Variants in AP1G2 observed in about 807,000 individuals in gnomAD.
AP1G2 encodes the protein AP-1 complex subunit gamma-like 2.
Under a neutral mutation model 95.8 loss-of-function variants are expected in AP1G2, and 85 were observed. The ratio of observed to expected loss-of-function variants is 0.89; its 90% CI spans 0.74 to 1.06. The LOEUF (loss-of-function observed/expected upper bound fraction) is 1.06. Ranked by LOEUF, AP1G2 falls within the 50% of genes least tolerant of loss-of-function variation. The pLI is 0.00. For missense variants in AP1G2, 967 were observed against 1,005.8 expected (o/e 0.96, Z 0.52); for synonymous variants, 378 against 400.0 (o/e 0.94, Z 0.66).
intron 9 of AP1G2, 24 bp from the exon 10 acceptor site, chr14:23,564,412 C>G: frequency 6.2e-7 from 1 of 1,614,062 alleles, no homozygotes; most frequent in Non-Finnish European, 8.5e-7. Context: ...AAGTTGGGGT[C>G]AGTCGGAAAG....
At chr14:23,565,075 G>T in intron 8 of AP1G2, 44 bp downstream of exon 8, 2 of 1,595,028 alleles carry the variant, frequency 1.3e-6, no homozygotes, top group Non-Finnish European at 1.7e-6. Flanking sequence ...GGGCTGATGG[G>T]GTCTCCAAGC....
chr14:23,567,210 G>A lies in AP1G2; in HGVS notation c.105C>T (p.Ile35=). 1.9e-6 allele frequency: 3 copies of A among 1,612,994 alleles called. No homozygotes were observed. The highest frequency in any genetic ancestry group is 1.7e-4 in the Middle Eastern group (1 of 6,050). ...REVIQKECAH[I]RASFRDGDPV... ...GGTCCCCGTCGCGGAAGGAGGCCCG[G>A]ATGTGGGCACACTCCTTTTGGATCA... The change falls in exon 2 of 22, where the codon ATC becomes ATT. Residue 35 remains isoleucine, a synonymous_variant. Transcript: ENST00000397120. This position sits in a 1 kb window ranked among gnomAD's most constrained non-coding sequence, Gnocchi z 5.3.
At chr14:23,566,786 G>T in intron 2 of AP1G2, 100 bp from the exon 3 acceptor site, 1 of 1,488,484 alleles carries the variant, frequency 6.7e-7, no homozygotes, top group Non-Finnish European at 9.2e-7. Flanking sequence ...AACCTGTGGG[G>T]CATCATATCT....
Position 23,567,487 on chromosome 14 carries a change from C to A in AP1G2, c.-5-168G>T, listed in dbSNP as rs765714594. 51 of 1,389,206 alleles carry A rather than the reference C, an allele frequency of 3.7e-5. No homozygotes were observed. The highest frequency in any genetic ancestry group is 4.5e-5 in the Non-Finnish European group (49 of 1,079,760). 86.1% of individuals were successfully genotyped at this position (1,389,206 alleles called of 1,614,324 possible). ...TGGGTCTCCAAATTCCGCGCCCACCCCACCGCCCGAGAAGCCCACTACGCA... is the reference window on the plus strand; with the variant it reads ...TGGGTCTCCAAATTCCGCGCCCACCACACCGCCCGAGAAGCCCACTACGCA... On this transcript the variant is annotated intron_variant, in intron 1 of 21. Transcript: ENST00000397120. The surrounding 1 kb of genome is among the most constrained non-coding windows in gnomAD (Gnocchi z 5.3).
rs759066631 is a variant in AP1G2, at chr14:23,567,186, G to A, written c.129C>T (p.Asp43=). 2.5e-6 allele frequency: 4 copies of A among 1,613,002 alleles called. No homozygotes were observed. Among genetic ancestry groups the A allele is most frequent in the Non-Finnish European group, 3.4e-6 (4 of 1,179,412 alleles). ...AHIRASFRDG[D]PVHRHRQLAK... ...CCAGCTGCCGGTGCCTGTGCACTGG[G>A]TCCCCGTCGCGGAAGGAGGCCCGGA... The change falls in exon 2 of 22, where the codon GAC becomes GAT. Residue 43 remains aspartate, a synonymous_variant. Coordinates refer to ENST00000397120, the MANE Select transcript of AP1G2 (RefSeq NM_003917.5). This position sits in a 1 kb window ranked among gnomAD's most constrained non-coding sequence, Gnocchi z 5.3.
rs762258774 is a variant in AP1G2, at chr14:23,567,300, C to T, written c.15G>A (p.Ser5=). ...CTTCGATGAGGTCCTGAAGCTTCAGCGAAGGCACCACCATCCTGACTGGCA... is the reference window on the plus strand; with the variant it reads ...CTTCGATGAGGTCCTGAAGCTTCAGTGAAGGCACCACCATCCTGACTGGCA... MVVP[S]LKLQDLIEEI... is the part of the protein sequence containing the mutation. The change falls in exon 2 of 22, where the codon TCG becomes TCA. Residue 5 remains serine (S), a synonymous_variant. Coordinates refer to ENST00000397120, the MANE Select transcript of AP1G2 (RefSeq NM_003917.5). The surrounding 1 kb of genome is among the most constrained non-coding windows in gnomAD (Gnocchi z 5.3). 33 of 1,612,584 alleles carry T rather than the reference C, an allele frequency of 2.0e-5. No individual in the cohort carries two copies. The highest frequency in any genetic ancestry group is 2.8e-5 in the Non-Finnish European group (33 of 1,179,578).
intron 17 of AP1G2, 61 bp downstream of exon 17, chr14:23,561,901 A>G: frequency 6.5e-7 from 1 of 1,543,124 alleles, no homozygotes; most frequent in Admixed American, 2.0e-5. Flanking sequence ...GTACCTAGAA[A>G]AGGGCATTTG....
Position 23,565,790 on chromosome 14 carries a change from C to G in AP1G2, c.645+26G>C, listed in dbSNP as rs779180437. ...CCCCACTGACCCTGTCTTCCAGGCCCAGGGCCTGCCCCTTCACCAGCCCAC... is the reference window on the plus strand; with the variant it reads ...CCCCACTGACCCTGTCTTCCAGGCCGAGGGCCTGCCCCTTCACCAGCCCAC... On this transcript the variant is annotated intron_variant, in intron 6 of 21. Coordinates refer to ENST00000397120, the MANE Select transcript of AP1G2 (RefSeq NM_003917.5). The G allele has an allele frequency of 1.4e-5, 22 of 1,597,960 alleles. No homozygotes were observed. The East Asian group carries it at 4.5e-4, about 32-fold the overall frequency.
chr14:23,561,377 G>A lies in AP1G2; in HGVS notation c.1912C>T (p.Gln638Ter). The A allele has an allele frequency of 6.2e-7, 1 of 1,601,534 alleles. No homozygotes were observed. The highest frequency in any genetic ancestry group is 8.5e-7 in the Non-Finnish European group (1 of 1,172,598). Residue 638 changes from glutamine to a stop codon, truncating the protein, a stop_gained, in exon 19 of 22, where the codon CAG becomes TAG. Transcript: ENST00000397120. LOFTEE classifies it high-confidence loss of function. The stretch of plus-strand genomic sequence containing the variant: ...GAGGGGTCCAGATGGGGAGGATGCT[G>A]GACATCCCCAGAAGCCCCATCCAGG... ...DLLDGASGDV[Q>*]HPPHLDPSPG...
chr14:23,562,823 CTGGCAATATCCCTTTAGGCAGT>C (rs1360093248), intron 14 of AP1G2: 1 of 584,882 alleles, frequency 1.7e-6, no homozygotes, highest in Non-Finnish European at 3.0e-6. Flanking sequence ...ACTTCCAGAC[CTGGCAATATCCCTTTAGGCAGT>C]GCAGAGATGG....
At position 23,564,048 on chromosome 14, in the gene AP1G2, G is replaced by A. The variant is rs971439650; in HGVS notation, c.1089C>T (p.Ser363=). Residue 363 remains serine (S), a splice_region_variant and synonymous_variant, in exon 11 of 22, where the codon AGC becomes AGT. Transcript: ENST00000397120. The part of the protein sequence containing the change: ...ECLRETDASL[S]RRALELSLAL... Reference sequence around the variant, plus strand: ...CTGTCCCCTCTATCACTGCTCACCGGCTGAGGGAGGCATCAGTTTCCCGTA... The same window carrying A: ...CTGTCCCCTCTATCACTGCTCACCGACTGAGGGAGGCATCAGTTTCCCGTA... The A allele has an allele frequency of 1.9e-6, 3 of 1,613,886 alleles. No individual in the cohort carries two copies.
chr14:23,562,267 G>A, intron 16 of AP1G2, 21 bp downstream of exon 16: 2 of 1,613,672 alleles, frequency 1.2e-6, no homozygotes, highest in South Asian at 1.1e-5. Context: ...CATCTCTCAA[G>A]GGGCTGGGAC....
At position 23,566,369 on chromosome 14, in the gene AP1G2, A is replaced by T; in HGVS notation, c.380T>A (p.Leu127Ter). 6.2e-7 allele frequency: 1 copy of T among 1,614,054 alleles called. No individual in the cohort carries two copies. The highest frequency in any genetic ancestry group is 8.5e-7 in the Non-Finnish European group (1 of 1,180,024). ...QPVQGLALCT[L>*]STMGSAEMCR... ...CATCTCAGCAGAGCCCATGGTGCTC[A>T]AAGTGCACAAGGCCAGGCCTTGTAC... The change falls in exon 4 of 22, where the codon TTG becomes TAG. Residue 127 changes from leucine (L) to a stop codon, truncating the protein, a stop_gained. Coordinates refer to ENST00000397120, the MANE Select transcript of AP1G2 (RefSeq NM_003917.5). LOFTEE classifies it high-confidence loss of function.
rs751051973 is a variant in AP1G2 at position 23,564,674 on chromosome 14, AGAG to A, written c.823-17_823-15del. Reference sequence around the variant, plus strand: ...GTTAGTGGCCACCTGAGTGGATGAGAGAGGAGATGTATCTGCTCAAGGCCCTCC... The same window carrying A: ...GTTAGTGGCCACCTGAGTGGATGAGAGAGATGTATCTGCTCAAGGCCCTCC... On this transcript the variant is annotated splice_polypyrimidine_tract_variant and intron_variant, in intron 8 of 21. Coordinates refer to ENST00000397120, the MANE Select transcript of AP1G2 (RefSeq NM_003917.5). 9.9e-6 allele frequency: 16 copies of A among 1,612,156 alleles called. No homozygotes were observed. Among genetic ancestry groups the A allele is most frequent in the South Asian group, 3.3e-5 (3 of 91,024 alleles).
intron 5 of AP1G2, 53 bp from the exon 6 acceptor site, chr14:23,565,945 A>G: frequency 6.2e-7 from 1 of 1,604,368 alleles, no homozygotes; most frequent in South Asian, 1.1e-5. Flanking sequence ...AAGAGAGTCT[A>G]TTGCGTGTGT....
chr14:23,561,701 A>G, intron 17 of AP1G2, 66 bp from the exon 18 acceptor site: 1 of 1,590,186 alleles, frequency 6.3e-7, no homozygotes, highest in East Asian at 2.3e-5. Flanking sequence ...GGCATCTAGG[A>G]TGAGGACTAG....
rs1356151913 is a variant in AP1G2, at chr14:23,562,350, G to A, written c.1566C>T (p.Ala522=). 1.9e-6 allele frequency: 3 copies of A among 1,614,066 alleles called. No individual in the cohort carries two copies. The highest frequency in any genetic ancestry group is 1.7e-5 in the Admixed American group (1 of 60,010). The change falls in exon 16 of 22, where the codon GCC becomes GCT. Residue 522 remains alanine, a synonymous_variant. Coordinates refer to ENST00000397120, the MANE Select transcript of AP1G2 (RefSeq NM_003917.5). The stretch of plus-strand genomic sequence containing the variant: ...GGGCTGTGAGGGCATATCCTCGAGT[G>A]GCTGGCAGGGACATGTGGGACTGCA... ...KVLQSHMSLP[A]TRGYALTALM...
At position 23,566,775 on chromosome 14, in the gene AP1G2, TA is replaced by T. The variant is rs1888235465; in HGVS notation, c.205-90del. 15 of 1,538,132 alleles carry T rather than the reference TA, an allele frequency of 9.8e-6. No individual in the cohort carries two copies. The South Asian group carries it at 1.6e-4, about 17-fold the overall frequency. ...TCCATCTTCCTCTTTAAAACCAGAT[TA>T]ACCTGTGGGGCATCATATCTCATCA... On this transcript the variant is annotated intron_variant, in intron 2 of 21. Transcript: ENST00000397120.
chr14:23,563,934 G>C, intron 11 of AP1G2, 78 bp from the exon 12 acceptor site: 1 of 1,599,670 alleles, frequency 6.3e-7, no homozygotes, highest in South Asian at 1.1e-5. Context: ...CTTCCCCAGG[G>C]ACCTGTCCCC....
Sources: allele counts gnomAD v4.1 joint callset, GRCh38; gene constraint gnomAD v4.1.1; non-coding constraint Gnocchi (gnomAD v3.1); transcripts MANE v1.5; gene names NCBI Gene and HGNC (gene_info 2026-07-23, HGNC 2026-07-21).